The following USH2A variants were observed in gnomAD, a reference collection of about 807,000 sequenced individuals.
USH2A encodes the protein usherin, also known as Usher syndrome 2A (autosomal recessive, mild).
A neutral mutation model predicts 538.9 loss-of-function variants in USH2A; 443 were observed. That is an observed-to-expected ratio of 0.82 (90% CI 0.76 to 0.89). The LOEUF (loss-of-function observed/expected upper bound fraction) is 0.89. Ranked by LOEUF, USH2A falls within the 40% of genes least tolerant of loss-of-function variation. The pLI is 0.00. For synonymous variants in USH2A, 2,413 were observed against 2,273.5 expected (o/e 1.06, Z -1.75); for missense variants, 6,633 against 6,324.8 (o/e 1.05, Z -1.65).
At chr1:215,924,375 G>A (rs768537199) in intron 38 of USH2A, among the ~76,000 whole-genome samples, 22 of 152,126 alleles carry the variant, frequency 1.4e-4, no homozygotes, top group Middle Eastern at 3.4e-3. Context: ...TGGAAATATG[G>A]TCTCTAAGTA....
At chr1:215,640,844 C>CAAAAAAAAAAAAAA (rs56212994) in intron 67 of USH2A, 110 bp from the exon 68 acceptor site, 4 of 496,790 alleles carry the variant, frequency 8.1e-6, no homozygotes, top group Non-Finnish European at 6.3e-6. Flanking sequence ...CCAATCCAAA[C>CAAAAAAAAAAAAAA]AAAAAAAAAA....
At chr1:216,196,064 T>A (rs1363593140) in intron 19 of USH2A, 4 of 172,272 alleles carry the variant, frequency 2.3e-5, no homozygotes, top group Admixed American at 1.7e-4. Context: ...ACTTTGAACA[T>A]ATTCATAATT....
Position 215,771,387 on chromosome 1 carries a change from C to A in USH2A, c.10940-4599G>T, listed in dbSNP as rs575019332. ...CGAGGTCAGGAGATCGAGACCATCC[C>A]GGCTAAAACGGTGAAACCCCGTCTC... On this transcript the variant is annotated intron_variant, in intron 55 of 71. Transcript: ENST00000307340. 1.7e-3 allele frequency among the ~76,000 whole-genome samples: 249 copies of A among 150,414 alleles called. 1 individual carries two copies. Among genetic ancestry groups the A allele is most frequent in the Non-Finnish European group, 2.8e-3 (190 of 67,514 alleles).
intron 21 of USH2A, among the ~76,000 whole-genome samples, chr1:216,142,926 T>C (rs1453346177): frequency 6.6e-6 from 1 of 152,174 alleles, no homozygotes; most frequent in African/African-American, 2.4e-5. Flanking sequence ...GTGTCTTTGT[T>C]GACTAATGAG....
intron 9 of USH2A, among the ~76,000 whole-genome samples, chr1:216,297,264 C>A (rs987016078): frequency 6.6e-6 from 1 of 152,032 alleles, no homozygotes; most frequent in African/African-American, 2.4e-5. Context: ...TGGCCCTCAG[C>A]AAACTTGCCT....
intron 21 of USH2A, among the ~76,000 whole-genome samples, chr1:216,155,156 T>A (rs1212153163): frequency 6.6e-6 from 1 of 152,102 alleles, no homozygotes. Flanking sequence ...GAAATTTAGT[T>A]CATAGTTTAA....
At chr1:216,057,246 A>G (rs1160751302) in intron 30 of USH2A, among the ~76,000 whole-genome samples, 1 of 152,210 alleles carries the variant, frequency 6.6e-6, no homozygotes, top group Non-Finnish European at 1.5e-5. Context: ...TCAACACTGC[A>G]TTACCTAATG....
At chr1:215,963,084 C>G (rs897576477) in intron 37 of USH2A, among the ~76,000 whole-genome samples, 1 of 152,080 alleles carries the variant, frequency 6.6e-6, no homozygotes, top group African/African-American at 2.4e-5. Flanking sequence ...TCTTTAGCAG[C>G]CATCACAGGA....
chr1:216,283,230 G>A (rs982422294), intron 11 of USH2A, among the ~76,000 whole-genome samples: 19 of 151,984 alleles, frequency 1.3e-4, no homozygotes, highest in Non-Finnish European at 2.5e-4. Context: ...GGGACTACAG[G>A]CACCCACCAC....
chr1:216,403,851 A>G (rs1258579710), intron 3 of USH2A, among the ~76,000 whole-genome samples: 1 of 152,062 alleles, frequency 6.6e-6, no homozygotes, highest in African/African-American at 2.4e-5. Context: ...GCAGTTTCCC[A>G]CATGCTGTTC....
At chr1:215,802,244 C>T (rs1265379921) in intron 49 of USH2A, among the ~76,000 whole-genome samples, 1 of 151,256 alleles carries the variant, frequency 6.6e-6, no homozygotes, top group African/African-American at 2.4e-5. Flanking sequence ...AAAGCAGAAG[C>T]AATAAGGAAA....
chr1:216,231,259 AAT>A (rs1373443893), intron 14 of USH2A, among the ~76,000 whole-genome samples: 30 of 98,062 alleles, frequency 3.1e-4, no homozygotes, highest in African/African-American at 1.0e-3. Flanking sequence ...TTATATATAT[AAT>A]ATATATATAT....
In USH2A at chr1:216,321,976, T is replaced by A. The variant is rs2037622659; in HGVS notation, c.1551A>T (p.Arg517Ser). 1.9e-6 allele frequency: 3 copies of A among 1,613,814 alleles called. No individual in the cohort carries two copies. Among genetic ancestry groups the A allele is most frequent in the African/African-American group, 1.3e-5 (1 of 75,030 alleles). The change falls in exon 9 of 72, where the codon AGA (arginine) becomes AGT (serine). Residue 517 changes from arginine to serine, a missense_variant and splice_region_variant. Physicochemically the swap from Arg to Ser is moderately radical, Grantham distance 110 (BLOSUM62 -1). Transcript: ENST00000307340. ...TATCGGCATGACCATGGCACTGACA[T>A]CTGCAAACATGAGCATCACACACTC... is the stretch of plus-strand genomic sequence containing the variant. ...YAVDEITISG[R>S]CQCHGHADNC...
At chr1:216,021,589 C>T (rs932310460) in intron 32 of USH2A, among the ~76,000 whole-genome samples, 2 of 152,150 alleles carry the variant, frequency 1.3e-5, no homozygotes, top group Non-Finnish European at 2.9e-5. Flanking sequence ...GACTACAACA[C>T]TAACTCTTCC....
chr1:215,735,518 G>A (rs956377864), intron 60 of USH2A, among the ~76,000 whole-genome samples: 1 of 152,068 alleles, frequency 6.6e-6, no homozygotes, highest in Non-Finnish European at 1.5e-5. Context: ...ATTTGCATCT[G>A]GGCTCACAAA....
At position 216,335,729 on chromosome 1, in the gene USH2A, A is replaced by G. The variant is rs116620265; in HGVS notation, c.785-8075T>C. 2.7e-3 allele frequency among the ~76,000 whole-genome samples: 403 copies of G among 151,748 alleles called. 3 individuals are homozygous for G. Among genetic ancestry groups the G allele is most frequent in the African/African-American group, 9.2e-3 (380 of 41,524 alleles). ...ACTATGTAAACTGACTTAAGAAGAA[A>G]TTAGCAATCTGAATAGATCTATACC... is the stretch of plus-strand genomic sequence containing the variant. On this transcript the variant is annotated intron_variant, in intron 4 of 71. Coordinates refer to ENST00000307340, the MANE Select transcript of USH2A (RefSeq NM_206933.4).
At chr1:216,096,713 C>T (rs758428576) in intron 22 of USH2A, among the ~76,000 whole-genome samples, 2 of 151,616 alleles carry the variant, frequency 1.3e-5, no homozygotes, top group Non-Finnish European at 2.9e-5. Flanking sequence ...GCTGGTGAAA[C>T]AATGAAAAAA....
chr1:215,884,764 C>A (rs1447696051), intron 41 of USH2A, among the ~76,000 whole-genome samples: 2 of 152,108 alleles, frequency 1.3e-5, no homozygotes, highest in East Asian at 1.9e-4. Context: ...TATTATCAAA[C>A]CCATAAATGA....
chr1:216,115,763 T>A (rs1332659867), intron 21 of USH2A, among the ~76,000 whole-genome samples: 2 of 151,960 alleles, frequency 1.3e-5, no homozygotes, highest in African/African-American at 4.8e-5. Context: ...TGAATTCATT[T>A]GGAAAACAAT....
Sources: gnomAD v4.1 joint callset for allele counts (sites outside exome capture counted in the v4.1 genomes callset) on GRCh38, gnomAD v4.1.1 for gene constraint, MANE v1.5 for transcripts, NCBI Gene and HGNC (gene_info 2026-07-23, HGNC 2026-07-21) for gene names.